Variants in COP1 observed in about 807,000 individuals in gnomAD.
COP1 encodes COP1 E3 ubiquitin ligase, also known as E3 ubiquitin-protein ligase COP1.
Under a neutral mutation model 101.3 loss-of-function variants are expected in COP1, and 24 were observed. The ratio of observed to expected loss-of-function variants is 0.24; its 90% CI spans 0.17 to 0.33. The LOEUF is 0.33. Among genes scored for constraint, COP1 ranks in the 10% least tolerant of loss-of-function variants. The pLI is 1.00. For missense variants in COP1, 663 were observed against 906.2 expected (o/e 0.73, Z 3.45); for synonymous variants, 347 against 341.9 (o/e 1.01, Z -0.17).
At chr1:176,061,495 G>A (rs1461806321) in intron 11 of COP1, among the ~76,000 whole-genome samples, 4 of 152,202 alleles carry the variant, frequency 2.6e-5, no homozygotes, top group Middle Eastern at 3.4e-3. Flanking sequence ...GCATGGTGGC[G>A]TGCGCCTGTA....
At chr1:176,068,697 C>G (rs1461484857) in intron 11 of COP1, among the ~76,000 whole-genome samples, 1 of 152,192 alleles carries the variant, frequency 6.6e-6, no homozygotes, top group Non-Finnish European at 1.5e-5. Flanking sequence ...ACCAATCCTT[C>G]TAACTCCTGT....
rs369113012 is a variant in COP1 at position 176,131,688 on chromosome 1, A to G, written c.968+3322T>C. Among the ~76,000 whole-genome samples the G allele has an allele frequency of 2.6e-3, 398 of 151,998 alleles. 3 individuals carry two copies. Among genetic ancestry groups the G allele is most frequent in the African/African-American group, 9.2e-3 (381 of 41,540 alleles). On this transcript the variant is annotated intron_variant, in intron 8 of 19. Coordinates refer to ENST00000367669, the MANE Select transcript of COP1 (RefSeq NM_022457.7). ...ATTGCAACTACATACTATTGCTTAA[A>G]GAAAAATCAAATATGAATAGTATTA...
chr1:176,101,507 C>T (rs939329685), intron 9 of COP1, among the ~76,000 whole-genome samples: 7 of 152,136 alleles, frequency 4.6e-5, no homozygotes, highest in African/African-American at 1.7e-4. Context: ...GATGCATCTT[C>T]CAAACTGGGA....
chr1:176,139,444 C>T (rs574004447), intron 6 of COP1, among the ~76,000 whole-genome samples: 5 of 151,948 alleles, frequency 3.3e-5, no homozygotes, highest in East Asian at 1.9e-4. Context: ...ACTATTTGAC[C>T]GAGTAATTCC....
At chr1:176,195,571 C>G (rs771120615) in intron 1 of COP1, among the ~76,000 whole-genome samples, 1 of 151,944 alleles carries the variant, frequency 6.6e-6, no homozygotes, top group Non-Finnish European at 1.5e-5. Context: ...TATGGTGGAC[C>G]ATGAAACGAG....
chr1:176,179,768 A>G (rs1697487923), intron 2 of COP1, among the ~76,000 whole-genome samples: 1 of 152,064 alleles, frequency 6.6e-6, no homozygotes, highest in South Asian at 2.1e-4. Context: ...GTCAATATAC[A>G]AGAAATTATT....
intron 1 of COP1, among the ~76,000 whole-genome samples, chr1:176,196,194 C>T (rs552064706): frequency 1.8e-4 from 27 of 152,010 alleles, no homozygotes; most frequent in African/African-American, 6.3e-4. Context: ...TCTAAGCTTT[C>T]GTACTAAGAA....
At chr1:176,199,675 G>C (rs1045466959) in intron 1 of COP1, among the ~76,000 whole-genome samples, 3 of 152,176 alleles carry the variant, frequency 2.0e-5, no homozygotes, top group Non-Finnish European at 4.4e-5. Context: ...AGACACAAAA[G>C]ACTACCGACT....
At chr1:175,998,353 C>T (rs1156312134) in intron 15 of COP1, among the ~76,000 whole-genome samples, 1 of 151,132 alleles carries the variant, frequency 6.6e-6, no homozygotes, top group East Asian at 2.0e-4. Flanking sequence ...GGAGATATAC[C>T]TAATGCTAAA....
chr1:176,053,710 C>T (rs1378929297), intron 11 of COP1, among the ~76,000 whole-genome samples: 2 of 152,180 alleles, frequency 1.3e-5, no homozygotes, highest in African/African-American at 4.8e-5. Context: ...TCCAACAATC[C>T]TTCAAGGCCA....
chr1:176,173,079 G>A (rs1167403422), intron 3 of COP1, among the ~76,000 whole-genome samples: 3 of 152,120 alleles, frequency 2.0e-5, no homozygotes, highest in Non-Finnish European at 2.9e-5. Flanking sequence ...TCGGGAGGCC[G>A]AGGTGGGTGA....
At chr1:175,955,430 A>G (rs1650501973) in intron 18 of COP1, among the ~76,000 whole-genome samples, 1 of 152,148 alleles carries the variant, frequency 6.6e-6, no homozygotes, top group African/African-American at 2.4e-5. Context: ...TCAGACTAGG[A>G]ACAAGGTGAA....
chr1:176,048,954 T>C (rs10798443), intron 11 of COP1, among the ~76,000 whole-genome samples: 140,869 of 150,252 alleles, frequency 0.94, 66,467 homozygotes, highest in East Asian at 1. Context: ...GGGTGGATCA[T>C]GAGGTCAGGA....
intron 18 of COP1, among the ~76,000 whole-genome samples, chr1:175,985,803 A>G (rs770631638): frequency 4.6e-5 from 7 of 152,188 alleles, no homozygotes; most frequent in Non-Finnish European, 7.3e-5. Flanking sequence ...CAAATTACCT[A>G]GTCTGTCAAT....
chr1:176,089,655 C>T (rs1193339611), intron 9 of COP1, among the ~76,000 whole-genome samples: 1 of 152,104 alleles, frequency 6.6e-6, no homozygotes, highest in African/African-American at 2.4e-5. Context: ...TAAAGCACTG[C>T]TTCACTCTGA....
At chr1:176,147,962 C>T (rs978786389) in intron 6 of COP1, among the ~76,000 whole-genome samples, 4 of 152,050 alleles carry the variant, frequency 2.6e-5, no homozygotes, top group African/African-American at 4.8e-5. Flanking sequence ...TGCAGTGGCG[C>T]GATCTCGGCT....
At chr1:176,130,870 A>T (rs1373061350) in intron 8 of COP1, among the ~76,000 whole-genome samples, 4 of 151,860 alleles carry the variant, frequency 2.6e-5, no homozygotes, top group Non-Finnish European at 5.9e-5. Context: ...GAATCAAAAT[A>T]AGTAGAAATC....
chr1:176,023,735 A>AAAAAAAAAAG (rs1553225858), intron 15 of COP1, among the ~76,000 whole-genome samples: 4 of 107,416 alleles, frequency 3.7e-5, no homozygotes, highest in African/African-American at 1.3e-4. Context: ...AAAAAAAAAA[A>AAAAAAAAAAG]AAAAGAAAAG....
intron 8 of COP1, among the ~76,000 whole-genome samples, chr1:176,119,641 TACACAC>T (rs10531356): frequency 0.036 from 5,327 of 149,824 alleles, 127 homozygotes; most frequent in Non-Finnish European, 0.057. Flanking sequence ...TATACATTCA[TACACAC>T]ACACACACAC....
Sources: allele counts gnomAD v4.1 joint callset (sites outside exome capture counted in the v4.1 genomes callset), GRCh38; gene constraint gnomAD v4.1.1; transcripts MANE v1.5; gene names NCBI Gene and HGNC (gene_info 2026-07-23, HGNC 2026-07-21).